CNGB3: variants seen among roughly 807,000 people sequenced by gnomAD.
The protein encoded by CNGB3 is cyclic nucleotide-gated channel beta-3.
A neutral mutation model predicts 92.8 loss-of-function variants in CNGB3; 86 were observed. That is an observed-to-expected ratio of 0.93 (90% CI 0.78 to 1.11). CNGB3 has a LOEUF of 1.11. Among genes scored for constraint, CNGB3 ranks in the 50% least tolerant of loss-of-function variants. The pLI is 0.00. For synonymous variants in CNGB3, 333 were observed against 332.7 expected, an observed-to-expected ratio of 1.00 and a Z score of -0.01; for missense variants, 1,026 against 956.8, an observed-to-expected ratio of 1.07 and a Z score of -0.95.
intron 15 of CNGB3, among the ~76,000 whole-genome samples, chr8:86,581,435 C>A (rs182395360): frequency 1.4e-4 from 22 of 152,188 alleles, no homozygotes; most frequent in African/African-American, 4.6e-4. Context: ...GGGTGAAGAG[C>A]CAAGGAAGAT....
intron 3 of CNGB3, among the ~76,000 whole-genome samples, chr8:86,690,919 T>G (rs1375454541): frequency 6.6e-6 from 1 of 152,186 alleles, no homozygotes; most frequent in African/African-American, 2.4e-5. Flanking sequence ...TTGATCTATA[T>G]CTCTGTTTTG....
At chr8:86,601,125 C>T (rs1822289250) in intron 15 of CNGB3, among the ~76,000 whole-genome samples, 3 of 151,934 alleles carry the variant, frequency 2.0e-5, no homozygotes, top group African/African-American at 4.8e-5. Flanking sequence ...GAAAAATTTC[C>T]AGGGGAGGAT....
At chr8:86,735,578 T>TA (rs1825237060) in intron 2 of CNGB3, among the ~76,000 whole-genome samples, 1 of 152,124 alleles carries the variant, frequency 6.6e-6, no homozygotes, top group Non-Finnish European at 1.5e-5. Context: ...TTCCAGCTTC[T>TA]AGAGGTCACA....
In CNGB3 at chr8:86,604,109, C is replaced by T; in HGVS notation, c.1765G>A (p.Val589Met). The part of the protein sequence containing the change: ...KVLVTLKAGS[V>M]FGEISLLAAG... ...TTCAGATACCTGATTTCTCCAAACACCGACCCAGCTTTCAGAGTAACCAGA... is the reference window on the plus strand; with the variant it reads ...TTCAGATACCTGATTTCTCCAAACATCGACCCAGCTTTCAGAGTAACCAGA... The change falls in exon 15 of 18, where the codon GTG becomes ATG. Residue 589 changes from valine to methionine, a missense_variant. Coordinates refer to ENST00000320005, the MANE Select transcript of CNGB3 (RefSeq NM_019098.5). 6.2e-7 allele frequency: 1 copy of T among 1,611,788 alleles called. No individual in the cohort carries two copies. Among genetic ancestry groups the T allele is most frequent in the East Asian group, 2.2e-5 (1 of 44,850 alleles).
intron 2 of CNGB3, among the ~76,000 whole-genome samples, chr8:86,736,786 C>T (rs546054012): frequency 6.6e-6 from 1 of 150,836 alleles, no homozygotes; most frequent in African/African-American, 2.4e-5. Context: ...TTTACAATGT[C>T]CTCTTGGTTT....
chr8:86,633,608 T>C (rs1380965595), intron 10 of CNGB3, among the ~76,000 whole-genome samples: 2 of 152,186 alleles, frequency 1.3e-5, no homozygotes, highest in South Asian at 4.1e-4. Context: ...AGTTGTCACA[T>C]TGTATTTGTC....
intron 13 of CNGB3, among the ~76,000 whole-genome samples, chr8:86,618,853 G>A (rs1323739250): frequency 1.3e-5 from 2 of 152,216 alleles, no homozygotes; most frequent in South Asian, 2.1e-4. Context: ...GGATCTGCAT[G>A]TGAGTGCTAG....
intron 3 of CNGB3, among the ~76,000 whole-genome samples, chr8:86,710,127 C>A (rs1824723775): frequency 6.6e-6 from 1 of 152,174 alleles, no homozygotes; most frequent in East Asian, 1.9e-4. Flanking sequence ...TTCTTGTAAA[C>A]TGCCATTCTC....
chr8:86,637,803 T>C (rs140927076), intron 10 of CNGB3, among the ~76,000 whole-genome samples: 1,778 of 152,272 alleles, frequency 0.012, 35 homozygotes, highest in African/African-American at 0.04. Context: ...TGCATATACC[T>C]GTGTAACAAA....
intron 3 of CNGB3, among the ~76,000 whole-genome samples, chr8:86,684,413 A>G (rs1252986738): frequency 6.6e-6 from 1 of 152,144 alleles, no homozygotes; most frequent in Non-Finnish European, 1.5e-5. Flanking sequence ...AAAATGATGC[A>G]GTCACTCTGG....
chr8:86,653,980 C>T (rs137944813), intron 7 of CNGB3, 32 bp downstream of exon 7: 205 of 1,460,652 alleles, frequency 1.4e-4, no homozygotes, highest in African/African-American at 1.4e-3. Context: ...TAATAGATCA[C>T]GTGAGCAACT....
chr8:86,731,394 C>G (rs550894533), intron 2 of CNGB3, among the ~76,000 whole-genome samples: 1 of 152,234 alleles, frequency 6.6e-6, no homozygotes, highest in East Asian at 1.9e-4. Context: ...CTGAAGGGAT[C>G]TTTGTATTTA....
Position 86,724,901 on chromosome 8 carries a change from G to T in CNGB3, c.338+1630C>A, listed in dbSNP as rs550751879. ...ACTGGAGCAGAGAGGTGGGAAAGTTGTGTGTTGGGAGAGGACAAAGTAAAA... is the reference window on the plus strand; with the variant it reads ...ACTGGAGCAGAGAGGTGGGAAAGTTTTGTGTTGGGAGAGGACAAAGTAAAA... On this transcript the variant is annotated intron_variant, in intron 3 of 17. Coordinates refer to ENST00000320005, the MANE Select transcript of CNGB3 (RefSeq NM_019098.5). 2.0e-5 allele frequency among the ~76,000 whole-genome samples: 3 copies of T among 152,204 alleles called. No individual in the cohort carries two copies. In the South Asian group the frequency reaches 6.2e-4, roughly 32 times the overall value.
intron 13 of CNGB3, among the ~76,000 whole-genome samples, chr8:86,616,299 G>A (rs541414441): frequency 6.6e-6 from 1 of 152,240 alleles, no homozygotes; most frequent in Non-Finnish European, 1.5e-5. Flanking sequence ...AAGTGATCCT[G>A]TCCCCTAATG....
chr8:86,576,766 C>A (rs1486741605), intron 17 of CNGB3, among the ~76,000 whole-genome samples: 5 of 152,148 alleles, frequency 3.3e-5, no homozygotes, highest in Non-Finnish European at 4.4e-5. Context: ...TATGAATGTG[C>A]ACAGATAAAG....
At chr8:86,695,158 G>A (rs1173931051) in intron 3 of CNGB3, among the ~76,000 whole-genome samples, 12 of 30,194 alleles carry the variant, frequency 4.0e-4, no homozygotes, top group Admixed American at 1.9e-3. Flanking sequence ...CCAGTCAGGC[G>A]TGGCGGTGGC....
In CNGB3 at chr8:86,654,443, C is replaced by T. The variant is rs138474251; in HGVS notation, c.853-381G>A. Among the ~76,000 whole-genome samples the T allele has an allele frequency of 2.8e-4, 42 of 152,234 alleles. 1 individual carries two copies. Among genetic ancestry groups the T allele is most frequent in the African/African-American group, 9.6e-4 (40 of 41,534 alleles). ...CATGCCCAGGATATCCTTTATGGCA[C>T]TTAGCATCCTGTTATGGCATTCATC... On this transcript the variant is annotated intron_variant, in intron 6 of 17. Transcript: ENST00000320005.
intron 3 of CNGB3, among the ~76,000 whole-genome samples, chr8:86,700,722 T>C (rs1824539529): frequency 6.6e-6 from 1 of 152,296 alleles, no homozygotes; most frequent in Middle Eastern, 3.4e-3. Context: ...CACTGCAACC[T>C]CCATCTCCCG....
chr8:86,646,814 T>G (rs1823298105), intron 8 of CNGB3, among the ~76,000 whole-genome samples: 1 of 151,390 alleles, frequency 6.6e-6, no homozygotes, highest in African/African-American at 2.4e-5. Flanking sequence ...CCTCAAATTC[T>G]TTTTAGGTAT....
Sources: gnomAD v4.1 joint callset for allele counts (sites outside exome capture counted in the v4.1 genomes callset) on GRCh38, gnomAD v4.1.1 for gene constraint, MANE v1.5 for transcripts, NCBI Gene and HGNC (gene_info 2026-07-23, HGNC 2026-07-21) for gene names.